PTTG1IP2: variants seen among roughly 807,000 people sequenced by gnomAD.
The protein encoded by PTTG1IP2 is PTTG1IP family member 2.
At chr7:90,512,789 C>T (rs533827908) in intron 6 of PTTG1IP2, among the ~76,000 whole-genome samples, 8 of 152,260 alleles carry the variant, frequency 5.3e-5, no homozygotes, top group South Asian at 2.1e-4. Flanking sequence ...GTCTTTTGGA[C>T]GATATTATTC....
rs569203226 is a variant in PTTG1IP2 at position 90,492,061 on chromosome 7, G to A, written c.381-178G>A. 2.0e-3 allele frequency among the ~76,000 whole-genome samples: 307 copies of A among 152,244 alleles called. 1 individual carries two copies. The highest frequency in any genetic ancestry group is 2.8e-3 in the African/African-American group (116 of 41,530). ...AACAAGAATTGCTTGAACCCAGGAGGTGGAGGTTGCAGTGAGCTGTGATCG... is the reference window on the plus strand; with the variant it reads ...AACAAGAATTGCTTGAACCCAGGAGATGGAGGTTGCAGTGAGCTGTGATCG... On this transcript the variant is annotated intron_variant, in intron 4 of 6. Coordinates refer to ENST00000509356, the MANE Select transcript of PTTG1IP2 (RefSeq NM_001365443.2).
chr7:90,507,713 A>G (rs1798139460), intron 6 of PTTG1IP2, among the ~76,000 whole-genome samples: 1 of 152,216 alleles, frequency 6.6e-6, no homozygotes, highest in African/African-American at 2.4e-5. Context: ...GTATTCCTGT[A>G]TAAAAGGAAA....
intron 1 of PTTG1IP2, among the ~76,000 whole-genome samples, chr7:90,478,664 T>C (rs1797780195): frequency 6.6e-6 from 1 of 152,170 alleles, no homozygotes; most frequent in Non-Finnish European, 1.5e-5. Context: ...GATGTTGCAG[T>C]AATAAAATGA....
At chr7:90,503,118 C>A (rs573874680) in intron 6 of PTTG1IP2, among the ~76,000 whole-genome samples, 1 of 152,214 alleles carries the variant, frequency 6.6e-6, no homozygotes, top group Non-Finnish European at 1.5e-5. Context: ...CCTGCTGCTT[C>A]GCCTTGCACT....
chr7:90,482,414 C>G (rs1458789342), intron 2 of PTTG1IP2, among the ~76,000 whole-genome samples: 1 of 151,960 alleles, frequency 6.6e-6, no homozygotes, highest in Admixed American at 6.6e-5. Flanking sequence ...CTATCTGAAA[C>G]ATTTCCTTGT....
chr7:90,489,784 G>A (rs1797918397), intron 4 of PTTG1IP2, among the ~76,000 whole-genome samples: 1 of 151,760 alleles, frequency 6.6e-6, no homozygotes, highest in South Asian at 2.1e-4. Context: ...AACCTATATT[G>A]CTTGAAAAAG....
At chr7:90,480,617 A>G (rs1196649593) in intron 2 of PTTG1IP2, among the ~76,000 whole-genome samples, 3 of 152,176 alleles carry the variant, frequency 2.0e-5, no homozygotes, top group African/African-American at 7.2e-5. Context: ...TTTAAATATT[A>G]CAAGTTCATC....
At chr7:90,493,318 A>C (rs12704542) in intron 5 of PTTG1IP2, among the ~76,000 whole-genome samples, 7 of 151,796 alleles carry the variant, frequency 4.6e-5, no homozygotes, top group Non-Finnish European at 7.4e-5. Context: ...TCTTTTGTCA[A>C]CTCCTAGACC....
chr7:90,495,073 A>C (rs1436586004), intron 6 of PTTG1IP2, among the ~76,000 whole-genome samples: 1 of 152,182 alleles, frequency 6.6e-6, no homozygotes, highest in Non-Finnish European at 1.5e-5. Flanking sequence ...GAGATATAAC[A>C]GTTCAGGCTG....
chr7:90,496,797 G>C (rs1273127857), intron 6 of PTTG1IP2, among the ~76,000 whole-genome samples: 1 of 152,010 alleles, frequency 6.6e-6, no homozygotes, highest in Middle Eastern at 3.4e-3. Context: ...ATTAATTTGA[G>C]ATCTTTCTTT....
intron 4 of PTTG1IP2, among the ~76,000 whole-genome samples, chr7:90,490,449 AAAGATAAGGGTTGGCC>A (rs1033569986): frequency 2.6e-5 from 4 of 151,086 alleles, no homozygotes; most frequent in African/African-American, 9.7e-5. Context: ...AAAAAAAAAA[AAAGATAAGGGTTGGCC>A]AATGTTCCAT....
intron 6 of PTTG1IP2, among the ~76,000 whole-genome samples, chr7:90,503,583 A>G (rs2116116500): frequency 1.3e-5 from 2 of 152,326 alleles, no homozygotes; most frequent in Middle Eastern, 6.8e-3. Flanking sequence ...TCAGGTTATT[A>G]ACTGGCCTCA....
At chr7:90,508,439 A>G (rs1204568374) in intron 6 of PTTG1IP2, among the ~76,000 whole-genome samples, 2 of 152,164 alleles carry the variant, frequency 1.3e-5, no homozygotes, top group Non-Finnish European at 2.9e-5. Flanking sequence ...CAGTTTATCA[A>G]CAGGCAGATT....
intron 1 of PTTG1IP2, among the ~76,000 whole-genome samples, chr7:90,477,247 G>A (rs1040654425): frequency 2.0e-5 from 3 of 152,166 alleles, no homozygotes; most frequent in African/African-American, 7.2e-5. Flanking sequence ...GTAATGCCAT[G>A]GAAATAGCTA....
chr7:90,471,837 A>G (rs988558317), intron 1 of PTTG1IP2, among the ~76,000 whole-genome samples: 1 of 152,164 alleles, frequency 6.6e-6, no homozygotes, highest in Non-Finnish European at 1.5e-5. Flanking sequence ...AGAGGGCCTG[A>G]CTCTCTGAAG....
At chr7:90,476,765 T>C (rs1797752938) in intron 1 of PTTG1IP2, among the ~76,000 whole-genome samples, 2 of 152,138 alleles carry the variant, frequency 1.3e-5, no homozygotes, top group South Asian at 2.1e-4. Context: ...ACAACATAGT[T>C]TTAAAATAGA....
intron 6 of PTTG1IP2, among the ~76,000 whole-genome samples, chr7:90,498,945 G>A (rs919853121): frequency 1.3e-5 from 2 of 152,044 alleles, no homozygotes; most frequent in African/African-American, 4.8e-5. Context: ...TCCACCTCCT[G>A]GGCTCAATTG....
At chr7:90,507,380 A>G (rs1418044616) in intron 6 of PTTG1IP2, among the ~76,000 whole-genome samples, 1 of 152,218 alleles carries the variant, frequency 6.6e-6, no homozygotes, top group Non-Finnish European at 1.5e-5. Flanking sequence ...TTAGGCTCAA[A>G]GTTGCATCTG....
chr7:90,472,790 A>T (rs1482338104), intron 1 of PTTG1IP2, among the ~76,000 whole-genome samples: 1 of 152,032 alleles, frequency 6.6e-6, no homozygotes, highest in Non-Finnish European at 1.5e-5. Flanking sequence ...AGTGATTTCT[A>T]TTTTCCTGGT....
Sources: allele counts gnomAD v4.1 joint callset (sites outside exome capture counted in the v4.1 genomes callset), GRCh38; gene constraint gnomAD v4.1.1; transcripts MANE v1.5; gene names NCBI Gene and HGNC (gene_info 2026-07-23, HGNC 2026-07-21).